Variants in IMMP2L observed in about 807,000 individuals in gnomAD.
IMMP2L encodes the protein inner mitochondrial membrane peptidase subunit 2.
In IMMP2L, 18 loss-of-function variants were observed where a neutral mutation model predicts 19.3. The observed-to-expected ratio is 0.93, with a 90% CI of 0.64 to 1.38. The LOEUF (loss-of-function observed/expected upper bound fraction) is 1.38. Ranked by LOEUF, IMMP2L falls within the 40% of genes most tolerant of loss-of-function variation. IMMP2L has a pLI of 0.00. For missense variants in IMMP2L, 233 were observed against 218.2 expected, an observed-to-expected ratio of 1.07 and a Z score of -0.43; for synonymous variants, 76 against 73.0, an observed-to-expected ratio of 1.04 and a Z score of -0.21.
intron 4 of IMMP2L, among the ~76,000 whole-genome samples, chr7:110,957,203 T>C (rs529425359): frequency 6.6e-6 from 1 of 152,056 alleles, no homozygotes; most frequent in Non-Finnish European, 1.5e-5. Context: ...TCTCATCTTT[T>C]ACAACATTTA....
intron 3 of IMMP2L, among the ~76,000 whole-genome samples, chr7:111,393,986 T>C (rs1563138759): frequency 6.6e-6 from 1 of 152,174 alleles, no homozygotes. Flanking sequence ...GATAAACTTT[T>C]TAAAAACTGA....
chr7:111,406,657 T>A (rs1833923680), intron 3 of IMMP2L, among the ~76,000 whole-genome samples: 1 of 152,086 alleles, frequency 6.6e-6, no homozygotes, highest in Non-Finnish European at 1.5e-5. Flanking sequence ...TCTAGGTGGT[T>A]TAATTCCTCA....
At chr7:111,340,760 A>G (rs1446387862) in intron 3 of IMMP2L, among the ~76,000 whole-genome samples, 1 of 152,144 alleles carries the variant, frequency 6.6e-6, no homozygotes, top group Non-Finnish European at 1.5e-5. Flanking sequence ...GCAAAAAAAC[A>G]TTGAACTTCT....
intron 5 of IMMP2L, among the ~76,000 whole-genome samples, chr7:110,804,043 G>A (rs1308321713): frequency 6.6e-6 from 1 of 151,988 alleles, no homozygotes; most frequent in Non-Finnish European, 1.5e-5. Flanking sequence ...AGTGCAAAAA[G>A]CCTTGTTTGC....
chr7:110,930,384 T>C (rs556319717), intron 4 of IMMP2L, among the ~76,000 whole-genome samples: 2 of 152,174 alleles, frequency 1.3e-5, no homozygotes, highest in East Asian at 3.9e-4. Flanking sequence ...TAAACTCTCA[T>C]TGTTTACACC....
At chr7:111,233,270 T>C (rs933414976) in intron 3 of IMMP2L, among the ~76,000 whole-genome samples, 2 of 152,156 alleles carry the variant, frequency 1.3e-5, no homozygotes, top group Non-Finnish European at 2.9e-5. Flanking sequence ...AATGGCCTTA[T>C]ATAATTGATG....
At chr7:111,059,444 AAAGT>A (rs2129574301) in intron 3 of IMMP2L, among the ~76,000 whole-genome samples, 1 of 152,302 alleles carries the variant, frequency 6.6e-6, no homozygotes, top group East Asian at 1.9e-4. Context: ...GTTCTAGGGA[AAAGT>A]AAGCATTTTC....
chr7:110,892,372 C>T (rs953071235), intron 4 of IMMP2L, among the ~76,000 whole-genome samples: 1 of 152,024 alleles, frequency 6.6e-6, no homozygotes, highest in Non-Finnish European at 1.5e-5. Context: ...CATCTATTAC[C>T]ACCCTAAAAT....
chr7:110,892,344 T>C (rs370380925), intron 4 of IMMP2L, among the ~76,000 whole-genome samples: 2 of 152,072 alleles, frequency 1.3e-5, no homozygotes, highest in South Asian at 2.1e-4. Context: ...TTCAACCCCA[T>C]TGAATTCCCA....
intron 3 of IMMP2L, among the ~76,000 whole-genome samples, chr7:110,974,017 A>G (rs956646515): frequency 6.6e-6 from 1 of 152,136 alleles, no homozygotes; most frequent in Non-Finnish European, 1.5e-5. Context: ...CTGAAGCTTA[A>G]TAAGTCTCTC....
intron 5 of IMMP2L, among the ~76,000 whole-genome samples, chr7:110,820,402 TA>T (rs1391293583): frequency 2.6e-5 from 4 of 152,214 alleles, no homozygotes; most frequent in African/African-American, 9.6e-5. Context: ...ATTCACCTAA[TA>T]AATCACAAAG....
In IMMP2L at chr7:110,921,471, A is replaced by ACC. The variant is rs1735121876; in HGVS notation, c.306-34778_306-34777dup. 2.0e-5 allele frequency among the ~76,000 whole-genome samples: 3 copies of ACC among 152,286 alleles called. No individual in the cohort carries two copies. The South Asian group carries it at 6.2e-4, about 32-fold the overall frequency. On this transcript the variant is annotated intron_variant, in intron 4 of 5. Transcript: ENST00000405709. ...ATTTGTCATAGGGATCATTGGACAT[A>ACC]CCTCATTATTCCTCTGCATTATTTC...
At chr7:110,880,763 T>C (rs1339917068) in intron 5 of IMMP2L, among the ~76,000 whole-genome samples, 1 of 152,128 alleles carries the variant, frequency 6.6e-6, no homozygotes, top group African/African-American at 2.4e-5. Context: ...TCTTGGCTCC[T>C]GACCTATTAT....
chr7:111,172,568 G>A (rs1017817838), intron 3 of IMMP2L, among the ~76,000 whole-genome samples: 13 of 151,226 alleles, frequency 8.6e-5, no homozygotes, highest in South Asian at 6.2e-4. Context: ...TCACCCTATC[G>A]TGCTAGGGAA....
intron 3 of IMMP2L, among the ~76,000 whole-genome samples, chr7:111,422,927 A>C (rs1355584650): frequency 6.6e-6 from 1 of 151,824 alleles, no homozygotes; most frequent in Non-Finnish European, 1.5e-5. Context: ...TTTAGCATGA[A>C]GGGGTGTTGA....
At chr7:110,786,740 T>C (rs1429873977) in intron 5 of IMMP2L, among the ~76,000 whole-genome samples, 2 of 152,054 alleles carry the variant, frequency 1.3e-5, no homozygotes, top group East Asian at 3.9e-4. Flanking sequence ...TCCTGCCAAC[T>C]GAGACATGAT....
At chr7:111,106,482 A>G (rs1374825515) in intron 3 of IMMP2L, among the ~76,000 whole-genome samples, 1 of 151,808 alleles carries the variant, frequency 6.6e-6, no homozygotes, top group African/African-American at 2.4e-5. Flanking sequence ...AAATAAAATG[A>G]AAAACAGATA....
At chr7:110,983,582 T>C (rs779672421) in intron 3 of IMMP2L, among the ~76,000 whole-genome samples, 8 of 152,076 alleles carry the variant, frequency 5.3e-5, no homozygotes, top group Non-Finnish European at 1.0e-4. Context: ...AGTTCCTACA[T>C]GCCTACATGA....
At chr7:111,387,468 G>T (rs528643742) in intron 3 of IMMP2L, among the ~76,000 whole-genome samples, 1 of 152,064 alleles carries the variant, frequency 6.6e-6, no homozygotes, top group Admixed American at 6.6e-5. Flanking sequence ...ACAAGAACTC[G>T]TTTTAGCTAT....
Sources: gnomAD v4.1 joint callset for allele counts (sites outside exome capture counted in the v4.1 genomes callset) on GRCh38, gnomAD v4.1.1 for gene constraint, MANE v1.5 for transcripts, NCBI Gene and HGNC (gene_info 2026-07-23, HGNC 2026-07-21) for gene names.